Variants in ESR1 observed in about 807,000 individuals in gnomAD.
The protein encoded by ESR1 is estrogen receptor.
ESR1 carries 12 observed loss-of-function variants against 52.7 expected under a neutral mutation model. The ratio of observed to expected loss-of-function variants is 0.23; its 90% CI spans 0.15 to 0.37. The LOEUF (loss-of-function observed/expected upper bound fraction) is 0.37, where lower values mean the gene tolerates loss of function less well. Among genes scored for constraint, ESR1 ranks in the 10% least tolerant of loss-of-function variants. The pLI, the probability that ESR1 is intolerant of heterozygous loss-of-function variation, is 1.00. For missense variants in ESR1, 584 were observed against 779.7 expected (o/e 0.75, Z 2.99); for synonymous variants, 305 against 316.8 (o/e 0.96, Z 0.39).
At chr6:151,944,751 C>T (rs933578457) in intron 4 of ESR1, among the ~76,000 whole-genome samples, 2 of 152,096 alleles carry the variant, frequency 1.3e-5, no homozygotes, top group Non-Finnish European at 2.9e-5. Context: ...TTATTTTTAA[C>T]CCATCTCATT....
intron 2 of ESR1, among the ~76,000 whole-genome samples, chr6:151,726,366 C>G (rs979427845): frequency 2.6e-5 from 4 of 151,312 alleles, no homozygotes; most frequent in South Asian, 2.1e-4. Context: ...GAGTCTCACT[C>G]TGTCGCCCAG....
intron 5 of ESR1, among the ~76,000 whole-genome samples, chr6:152,032,090 A>G: frequency 6.6e-6 from 1 of 152,178 alleles, no homozygotes; most frequent in African/African-American, 2.4e-5. Flanking sequence ...AAATTCAACA[A>G]CCCTTCATGC....
chr6:151,891,885 G>C (rs886808740), intron 3 of ESR1, among the ~76,000 whole-genome samples: 2 of 151,976 alleles, frequency 1.3e-5, no homozygotes, highest in Non-Finnish European at 2.9e-5. Flanking sequence ...TATATAGACG[G>C]TGTCACAGAT....
intron 3 of ESR1, among the ~76,000 whole-genome samples, chr6:151,940,072 A>G (rs557228444): frequency 2.0e-4 from 30 of 152,312 alleles, no homozygotes; most frequent in Non-Finnish European, 3.8e-4. Flanking sequence ...ATGAACTCAC[A>G]GTTCCACATG....
At chr6:151,899,562 G>A (rs1196421835) in intron 3 of ESR1, among the ~76,000 whole-genome samples, 3 of 147,860 alleles carry the variant, frequency 2.0e-5, no homozygotes, top group African/African-American at 7.5e-5. Flanking sequence ...GGGGCGGCTG[G>A]CCGGGCGGGG....
intron 2 of ESR1, among the ~76,000 whole-genome samples, chr6:151,792,640 A>G (rs1007189626): frequency 1.3e-5 from 2 of 151,996 alleles, no homozygotes; most frequent in Admixed American, 1.3e-4. Flanking sequence ...GGGTTCTGCT[A>G]TGTTGACCAG....
intron 2 of ESR1, among the ~76,000 whole-genome samples, chr6:151,873,841 C>A: frequency 6.6e-6 from 1 of 152,084 alleles, no homozygotes; most frequent in East Asian, 1.9e-4. Context: ...ATTTATAGTT[C>A]CTGGATGCTT....
rs978994997 is a variant in ESR1 at position 151,807,815 on chromosome 6, C to G, written c.-98C>G. ...CGGCGGGACATGCGCTGCGTCGCCT[C>G]TAACCTCGGGCTGTGCTCTTTTTCC... On this transcript the variant is annotated 5_prime_UTR_variant, in exon 1 of 8. Coordinates refer to ENST00000206249, the MANE Select transcript of ESR1 (RefSeq NM_000125.4). 4 of 1,128,238 alleles carry G rather than the reference C, an allele frequency of 3.5e-6. No individual in the cohort carries two copies. The highest frequency in any genetic ancestry group is 5.2e-6 in the Non-Finnish European group (4 of 768,366). The allele number at this position is 1,128,238 out of a possible 1,614,324, so 69.9% of individuals were successfully genotyped here.
intron 2 of ESR1, among the ~76,000 whole-genome samples, chr6:151,742,297 A>C (rs1428479958): frequency 1.3e-5 from 2 of 152,116 alleles, no homozygotes; most frequent in Non-Finnish European, 2.9e-5. Flanking sequence ...TGGATCACAG[A>C]GTAATTCTAT....
chr6:151,680,605 A>T (rs1009850874), intron 1 of ESR1, among the ~76,000 whole-genome samples: 3 of 152,080 alleles, frequency 2.0e-5, no homozygotes, highest in Non-Finnish European at 4.4e-5. Context: ...CTGACCTCAC[A>T]ACCTAATCAC....
intron 4 of ESR1, among the ~76,000 whole-genome samples, chr6:151,963,909 C>T (rs191422888): frequency 6.6e-6 from 1 of 152,298 alleles, no homozygotes; most frequent in East Asian, 1.9e-4. Flanking sequence ...TTTCCCAACA[C>T]CATTTATTAA....
At chr6:151,870,890 C>T (rs1009935668) in intron 2 of ESR1, among the ~76,000 whole-genome samples, 1 of 151,896 alleles carries the variant, frequency 6.6e-6, no homozygotes, top group African/African-American at 2.4e-5. Flanking sequence ...CTCACTCTGT[C>T]CCCCAGGCTG....
At chr6:151,832,308 A>T (rs1211114688) in intron 1 of ESR1, among the ~76,000 whole-genome samples, 2 of 152,220 alleles carry the variant, frequency 1.3e-5, no homozygotes, top group African/African-American at 4.8e-5. Flanking sequence ...AAAAAGGAGG[A>T]TCAGGATTTT....
At chr6:151,930,275 G>T (rs960206411) in intron 3 of ESR1, among the ~76,000 whole-genome samples, 1 of 152,048 alleles carries the variant, frequency 6.6e-6, no homozygotes, top group Non-Finnish European at 1.5e-5. Context: ...GTGAGCCACC[G>T]CACCCGGCTT....
intron 5 of ESR1, among the ~76,000 whole-genome samples, chr6:152,036,779 C>A (rs372067158): frequency 2.0e-4 from 31 of 152,256 alleles, no homozygotes; most frequent in African/African-American, 7.2e-4. Flanking sequence ...AAAAGCATTT[C>A]AATAAAGTGT....
intron 7 of ESR1, among the ~76,000 whole-genome samples, chr6:152,095,006 T>C (rs1213342362): frequency 2.0e-5 from 3 of 152,158 alleles, no homozygotes; most frequent in Admixed American, 6.5e-5. Flanking sequence ...TGTTGACTCC[T>C]TCATACCTGT....
chr6:152,093,305 C>G (rs1240028615), intron 6 of ESR1, among the ~76,000 whole-genome samples: 2 of 150,606 alleles, frequency 1.3e-5, no homozygotes, highest in Non-Finnish European at 3.0e-5. Context: ...AAACTAAGAC[C>G]TTGTGACTAC....
At chr6:151,909,537 G>A (rs1278056154) in intron 3 of ESR1, among the ~76,000 whole-genome samples, 3 of 152,228 alleles carry the variant, frequency 2.0e-5, no homozygotes, top group Admixed American at 2.0e-4. Flanking sequence ...GGCAGTGACT[G>A]CATAAACCGG....
chr6:152,066,008 C>T (rs1481521770), intron 6 of ESR1, among the ~76,000 whole-genome samples: 2 of 151,918 alleles, frequency 1.3e-5, no homozygotes, highest in Non-Finnish European at 2.9e-5. Context: ...TAGTGTTTAG[C>T]AAAAAAGGGA....
Sources: gnomAD v4.1 joint callset for allele counts (sites outside exome capture counted in the v4.1 genomes callset) on GRCh38, gnomAD v4.1.1 for gene constraint, MANE v1.5 for transcripts, NCBI Gene and HGNC (gene_info 2026-07-23, HGNC 2026-07-21) for gene names.